The following AFF2 variants were observed in gnomAD, a reference collection of about 807,000 sequenced individuals.
The protein encoded by AFF2 is ALF transcription elongation factor 2.
A neutral mutation model predicts 76.9 loss-of-function variants in AFF2; 14 were observed. The observed-to-expected ratio is 0.18, with a 90% confidence interval of 0.12 to 0.28. AFF2 has a LOEUF of 0.28. Ranked by LOEUF, AFF2 falls within the 10% of genes least tolerant of loss-of-function variation. AFF2 has a pLI of 1.00. For synonymous variants in AFF2, 398 were observed against 366.7 expected (o/e 1.09, Z -0.98); for missense variants, 868 against 1,001.1 (o/e 0.87, Z 1.79).
rs1240365587 is a variant in AFF2 at position 148,996,763 on chromosome X, A to G, written c.*5431A>G. ...CTGAGCTGAAAGGAGAGATGGATCA[A>G]TGGAGATGGTTCCATCATCTCCTTC... On this transcript the variant is annotated 3_prime_UTR_variant, in exon 21 of 21. Coordinates refer to ENST00000370460, the MANE Select transcript of AFF2 (RefSeq NM_002025.4). 1 of 112,270 alleles carries G rather than the reference A, an allele frequency of 8.9e-6. No homozygotes were observed. The highest frequency in any genetic ancestry group is 1.9e-5 in the Non-Finnish European group (1 of 53,250). 9.3% of individuals were successfully genotyped at this position (112,270 alleles called of 1,213,427 possible). A position where few individuals can be genotyped will look rare whatever the true frequency, so the allele number is the denominator to read the frequency against.
At position 148,809,869 on chromosome X, in the gene AFF2, G is replaced by T. The variant is rs782587043; in HGVS notation, c.1042-7G>T. On this transcript the variant is annotated splice_region_variant and splice_polypyrimidine_tract_variant and intron_variant, in intron 3 of 20. Transcript: ENST00000370460. ...GTGCCTAATGTTTTCTGTTTATTTT[G>T]TTTCAGGTAAGCCTTCCCAGTGATC... 8.3e-7 allele frequency: 1 copy of T among 1,209,635 alleles called. No individual in the cohort carries two copies. Among genetic ancestry groups the T allele is most frequent in the Non-Finnish European group, 1.1e-6 (1 of 893,971 alleles).
At chrX:148,721,728 C>T (rs1156985687) in intron 3 of AFF2, among the ~76,000 whole-genome samples, 3 of 112,138 alleles carry the variant, frequency 2.7e-5, no homozygotes, top group Non-Finnish European at 5.6e-5. Context: ...TTTATTGTCT[C>T]ATAGTTCTGG....
At chrX:148,766,540 T>G (rs2069520036) in intron 3 of AFF2, among the ~76,000 whole-genome samples, 1 of 105,239 alleles carries the variant, frequency 9.5e-6, no homozygotes, top group African/African-American at 3.5e-5. Context: ...TCGCCCACTT[T>G]TTGATGGGGT....
chrX:148,942,363 G>GA (rs1282173821), intron 9 of AFF2, among the ~76,000 whole-genome samples: 12 of 110,704 alleles, frequency 1.1e-4, no homozygotes, highest in African/African-American at 3.6e-4. Flanking sequence ...ATCTAACTCT[G>GA]AAAACCTTAT....
chrX:148,596,603 T>A (rs782796710), intron 1 of AFF2, among the ~76,000 whole-genome samples: 1 of 112,431 alleles, frequency 8.9e-6, no homozygotes, highest in Admixed American at 9.4e-5. Context: ...CCTCACTTTT[T>A]AGTATTTCAG....
chrX:148,648,301 C>T (rs1293572943), intron 1 of AFF2, among the ~76,000 whole-genome samples: 1 of 111,039 alleles, frequency 9.0e-6, no homozygotes, highest in Non-Finnish European at 1.9e-5. Context: ...TGGCTCATGC[C>T]TGTAATCCCA....
At position 148,718,953 on chromosome X, in the gene AFF2, G is replaced by A; in HGVS notation, c.1041+56185G>A. The A allele has an allele frequency of 7.1e-6, 4 of 566,066 alleles. No individual in the cohort carries two copies. In the South Asian group the frequency reaches 1.5e-4, roughly 21 times the overall value. 46.7% of individuals were successfully genotyped at this position (566,066 alleles called of 1,213,427 possible). A position where few individuals can be genotyped will look rare whatever the true frequency, so the allele number is the denominator to read the frequency against. ...TGTTTGATAGTTTGAGTATTCAGGT[G>A]TCTAAGAATGGATGGAGGAAGCTAA... On this transcript the variant is annotated intron_variant, in intron 3 of 20. Coordinates refer to ENST00000370460, the MANE Select transcript of AFF2 (RefSeq NM_002025.4).
At chrX:148,602,363 G>T (rs1346122122) in intron 1 of AFF2, among the ~76,000 whole-genome samples, 1 of 110,998 alleles carries the variant, frequency 9.0e-6, no homozygotes, top group Admixed American at 9.6e-5. Flanking sequence ...AGTTGTTGGA[G>T]AATTTAAGTC....
intron 4 of AFF2, among the ~76,000 whole-genome samples, chrX:148,820,523 A>C (rs1569555947): frequency 8.9e-6 from 1 of 112,126 alleles, no homozygotes; most frequent in Admixed American, 9.5e-5. Context: ...CCGGTGATGT[A>C]ACAACATGAG....
chrX:148,592,487 TAAAA>T, intron 1 of AFF2, among the ~76,000 whole-genome samples: 1 of 92,779 alleles, frequency 1.1e-5, no homozygotes, highest in Admixed American at 1.2e-4. Context: ...AGGCCTGCTA[TAAAA>T]AAAAAAAAAA....
intron 3 of AFF2, among the ~76,000 whole-genome samples, chrX:148,694,810 C>CTTTTTTT (rs34803945): frequency 2.0e-5 from 1 of 49,127 alleles, no homozygotes; most frequent in African/African-American, 7.7e-5. Context: ...TCACAAAGCA[C>CTTTTTTT]TTTTTTTTTT....
intron 4 of AFF2, among the ~76,000 whole-genome samples, chrX:148,833,016 C>A (rs2070473354): frequency 9.0e-6 from 1 of 111,459 alleles, no homozygotes; most frequent in Admixed American, 9.6e-5. Context: ...ACAGTAAGTA[C>A]CTTAATATTT....
rs1343827067 is a variant in AFF2 at position 148,994,731 on chromosome X, C to G, written c.*3399C>G. 8.9e-6 allele frequency: 1 copy of G among 112,427 alleles called. No individual in the cohort carries two copies. The highest frequency in any genetic ancestry group is 1.9e-5 in the Non-Finnish European group (1 of 53,291). 9.3% of individuals were successfully genotyped at this position (112,427 alleles called of 1,213,427 possible). ...TTGGAAAGATACTCTTCTAGCATAT[C>G]TTTCCCAAAGATATCTAATTTGGAT... On this transcript the variant is annotated 3_prime_UTR_variant, in exon 21 of 21. Transcript: ENST00000370460.
intron 7 of AFF2, among the ~76,000 whole-genome samples, chrX:148,857,012 G>A (rs914546622): frequency 1.8e-5 from 2 of 111,889 alleles, no homozygotes; most frequent in East Asian, 2.8e-4. Context: ...CTTTAATTAC[G>A]ATAAGGCTTG....
chrX:148,624,908 G>A (rs1334157835), intron 1 of AFF2, among the ~76,000 whole-genome samples: 1 of 112,019 alleles, frequency 8.9e-6, no homozygotes, highest in Non-Finnish European at 1.9e-5. Context: ...AATTTAGTTT[G>A]TACTTAGCCC....
intron 9 of AFF2, among the ~76,000 whole-genome samples, chrX:148,914,957 C>G (rs1465562806): frequency 8.9e-6 from 1 of 112,175 alleles, no homozygotes; most frequent in Non-Finnish European, 1.9e-5. Context: ...GACAGGGGTC[C>G]AAACAGTAAA....
rs1557293543 is a variant in AFF2 at position 148,997,694 on chromosome X, ATTT to A, written c.*6363_*6365del. 1 of 110,785 alleles carries A rather than the reference ATTT, an allele frequency of 9.0e-6. No individual in the cohort carries two copies. The highest frequency in any genetic ancestry group is 2.8e-4 in the East Asian group (1 of 3,562). 9.1% of individuals were successfully genotyped at this position (110,785 alleles called of 1,213,427 possible). ...TGGAAAATGGTAACATCCGGGTCTG[ATTT>A]AATTGGCATTACACTTACACAGGGA... On this transcript the variant is annotated 3_prime_UTR_variant, in exon 21 of 21. Coordinates refer to ENST00000370460, the MANE Select transcript of AFF2 (RefSeq NM_002025.4).
intron 3 of AFF2, among the ~76,000 whole-genome samples, chrX:148,697,399 C>T (rs975664386): frequency 8.9e-6 from 1 of 112,122 alleles, no homozygotes; most frequent in South Asian, 3.7e-4. Flanking sequence ...GAGAGTATCA[C>T]CATTGTAGGC....
At chrX:148,974,919 T>C (rs987682308) in intron 16 of AFF2, among the ~76,000 whole-genome samples, 1 of 112,366 alleles carries the variant, frequency 8.9e-6, no homozygotes, top group South Asian at 3.7e-4. Context: ...ATGAACATAC[T>C]GGCAAAAATC....
Sources: allele counts gnomAD v4.1 joint callset (sites outside exome capture counted in the v4.1 genomes callset), GRCh38; gene constraint gnomAD v4.1.1; transcripts MANE v1.5; gene names NCBI Gene and HGNC (gene_info 2026-07-23, HGNC 2026-07-21).